Variants in NRDC observed in about 807,000 individuals in gnomAD.
NRDC encodes the protein nardilysin convertase.
Under a neutral mutation model 147.1 loss-of-function variants are expected in NRDC, and 54 were observed. The observed-to-expected ratio is 0.37, with a 90% CI of 0.29 to 0.46. The LOEUF (loss-of-function observed/expected upper bound fraction) is 0.46, where lower values mean the gene tolerates loss of function less well. Ranked by LOEUF, NRDC falls within the 20% of genes least tolerant of loss-of-function variation. NRDC has a pLI of 1.00. For missense variants in NRDC, 1,082 were observed against 1,370.6 expected, an observed-to-expected ratio of 0.79 and a Z score of 3.33; for synonymous variants, 440 against 482.1, an observed-to-expected ratio of 0.91 and a Z score of 1.14.
chr1:51,815,242 T>C (rs1267151803), intron 11 of NRDC, among the ~76,000 whole-genome samples: 2 of 150,588 alleles, frequency 1.3e-5, no homozygotes, highest in African/African-American at 4.9e-5. Context: ...CAGTCTGGTC[T>C]CGAACTCCTG....
rs200640990 is a variant in NRDC at position 51,852,688 on chromosome 1, G to A, written c.342-12174C>T. Among the ~76,000 whole-genome samples, 9 of 151,662 alleles carry A rather than the reference G, an allele frequency of 5.9e-5. No homozygotes were observed. In the East Asian group the frequency reaches 1.7e-3, roughly 29 times the overall value. On this transcript the variant is annotated intron_variant, in intron 1 of 30. Coordinates refer to ENST00000352171, the MANE Select transcript of NRDC (RefSeq NM_001101662.2). ...ACTGGCTTAGCAAATTCTGTGTGCT[G>A]CCCTGGAGTCTTAATTACTTCAGGT...
chr1:51,816,405 A>G lies in NRDC; in HGVS notation c.1362-16T>C. ...TGGCTTCACCCTTTTAAAAAAATTT[A>G]ATGGTCAGAAGAAAAAAACAAAAGG... On this transcript the variant is annotated splice_polypyrimidine_tract_variant and intron_variant, in intron 10 of 30. Transcript: ENST00000352171. The G allele has an allele frequency of 1.3e-6, 2 of 1,524,472 alleles. No homozygotes were observed. The highest frequency in any genetic ancestry group is 1.8e-6 in the Non-Finnish European group (2 of 1,125,672). 94.4% of individuals were successfully genotyped at this position (1,524,472 alleles called of 1,614,324 possible).
intron 5 of NRDC, among the ~76,000 whole-genome samples, chr1:51,825,851 G>A (rs1475744603): frequency 6.6e-6 from 1 of 152,160 alleles, no homozygotes; most frequent in Non-Finnish European, 1.5e-5. Context: ...GAATGTTTGT[G>A]TCCCCCCACC....
chr1:51,876,354 C>T (rs781497365), intron 1 of NRDC, among the ~76,000 whole-genome samples: 8 of 151,970 alleles, frequency 5.3e-5, no homozygotes, highest in Non-Finnish European at 8.8e-5. Flanking sequence ...TTTGCGTATA[C>T]GTAATGAGGT....
At chr1:51,814,180 G>T (rs1344208140) in intron 13 of NRDC, 91 bp from the exon 14 acceptor site, 4 of 787,482 alleles carry the variant, frequency 5.1e-6, no homozygotes, top group African/African-American at 3.4e-5. Flanking sequence ...ATCAGAAAAG[G>T]TAACTATTGG....
intron 6 of NRDC, 37 bp from the exon 7 acceptor site, chr1:51,823,823 G>C (rs1030215623): frequency 6.7e-7 from 1 of 1,485,108 alleles, no homozygotes; most frequent in Non-Finnish European, 9.2e-7. Flanking sequence ...ATATAACTAA[G>C]TTAACTTTGT....
At chr1:51,820,001 C>A in intron 8 of NRDC, 128 bp from the exon 9 acceptor site, 4 of 693,392 alleles carry the variant, frequency 5.8e-6, no homozygotes, top group East Asian at 2.8e-5. Context: ...GCATTCCAGG[C>A]ATGAACAAAT....
At chr1:51,863,013 GAA>G (rs562410956) in intron 1 of NRDC, among the ~76,000 whole-genome samples, 2,717 of 31,874 alleles carry the variant, frequency 0.085, 32 homozygotes, top group South Asian at 0.34. Flanking sequence ...CTGTGTGGAG[GAA>G]AAAAAAAAAA....
chr1:51,828,543 A>G (rs2149213877), intron 4 of NRDC, among the ~76,000 whole-genome samples: 1 of 152,256 alleles, frequency 6.6e-6, no homozygotes, highest in African/African-American at 2.4e-5. Flanking sequence ...TTTTAAATTA[A>G]TTTTTAATTA....
In NRDC at chr1:51,798,272, C is replaced by T; in HGVS notation, c.2581G>A (p.Val861Ile). The change falls in exon 22 of 31, where the codon GTA becomes ATA. Residue 861 changes from valine to isoleucine, a missense_variant. Val to Ile is a conservative substitution (Grantham distance 29, BLOSUM62 3). Transcript: ENST00000352171. ...FKSQLFVEGL[V>I]QGNVTSTESM... ...ACTGTGCTTGTGACATTCCCTTGTA[C>T]CAGGCCCTCCACAAAGAGCTGGGAT... 6.2e-7 allele frequency: 1 copy of T among 1,614,152 alleles called. No homozygotes were observed. The highest frequency in any genetic ancestry group is 8.5e-7 in the Non-Finnish European group (1 of 1,180,016).
chr1:51,805,302 A>C (rs564007704), intron 19 of NRDC, among the ~76,000 whole-genome samples: 12 of 152,346 alleles, frequency 7.9e-5, no homozygotes, highest in African/African-American at 2.9e-4. Flanking sequence ...ATGTTTTACC[A>C]ATGGGTGCTG....
rs1683456762 is a variant in NRDC at position 51,878,695 on chromosome 1, C to A, written c.-80G>T. 2.3e-6 allele frequency: 3 copies of A among 1,287,054 alleles called. No homozygotes were observed. The highest frequency in any genetic ancestry group is 2.1e-5 in the Admixed American group (1 of 47,732). The allele number at this position is 1,287,054 out of a possible 1,614,324, so 79.7% of individuals were successfully genotyped here. A position where few individuals can be genotyped will look rare whatever the true frequency, so the allele number is the denominator to read the frequency against. On this transcript the variant is annotated 5_prime_UTR_variant, in exon 1 of 31. Transcript: ENST00000352171. ...CGTTCTAGAGGCGGTGGCGGCCGGCCCTGGTGCTGCCGCAGCCGCGGGGAA... is the reference window on the plus strand; with the variant it reads ...CGTTCTAGAGGCGGTGGCGGCCGGCACTGGTGCTGCCGCAGCCGCGGGGAA...
intron 1 of NRDC, among the ~76,000 whole-genome samples, chr1:51,845,922 TAATG>T (rs913723552): frequency 6.6e-6 from 1 of 151,934 alleles, no homozygotes; most frequent in African/African-American, 2.4e-5. Flanking sequence ...AATATCTACT[TAATG>T]AAACAAAATG....
At chr1:51,857,790 T>C (rs1682325447) in intron 1 of NRDC, among the ~76,000 whole-genome samples, 1 of 152,170 alleles carries the variant, frequency 6.6e-6, no homozygotes, top group African/African-American at 2.4e-5. Context: ...AATATTACAG[T>C]GGGTGCAGAC....
intron 1 of NRDC, among the ~76,000 whole-genome samples, chr1:51,841,512 A>G (rs994093081): frequency 4.0e-5 from 6 of 151,614 alleles, no homozygotes; most frequent in African/African-American, 1.5e-4. Flanking sequence ...TTGCCATGTT[A>G]CCCAAGCTGG....
intron 5 of NRDC, among the ~76,000 whole-genome samples, chr1:51,827,178 G>A (rs1049814163): frequency 6.6e-6 from 1 of 152,038 alleles, no homozygotes; most frequent in East Asian, 1.9e-4. Flanking sequence ...GTTAAACAGG[G>A]GTCTGTTGAC....
intron 7 of NRDC, among the ~76,000 whole-genome samples, chr1:51,822,864 C>T (rs1321709240): frequency 6.6e-6 from 1 of 152,134 alleles, no homozygotes; most frequent in East Asian, 1.9e-4. Context: ...TGTTTTACAT[C>T]TAAGAGCCAA....
chr1:51,825,176 TA>T, intron 6 of NRDC, 110 bp downstream of exon 6: 1 of 732,314 alleles, frequency 1.4e-6, no homozygotes, highest in Non-Finnish European at 2.3e-6. Flanking sequence ...TCCTAAAAGG[TA>T]AAAGGTACCT....
At chr1:51,863,754 TG>T (rs1275699985) in intron 1 of NRDC, among the ~76,000 whole-genome samples, 3 of 152,158 alleles carry the variant, frequency 2.0e-5, no homozygotes, top group African/African-American at 7.2e-5. Context: ...TCTATAATAA[TG>T]TTAAAAGGAA....
Sources: allele counts gnomAD v4.1 joint callset (sites outside exome capture counted in the v4.1 genomes callset), GRCh38; gene constraint gnomAD v4.1.1; transcripts MANE v1.5; gene names NCBI Gene and HGNC (gene_info 2026-07-23, HGNC 2026-07-21).